The following SPATA17 variants were observed in gnomAD, a reference collection of about 807,000 sequenced individuals.
The protein encoded by SPATA17 is spermatogenesis-associated protein 17.
A neutral mutation model predicts 62.2 loss-of-function variants in SPATA17; 53 were observed. That is an observed-to-expected ratio of 0.85 (90% CI 0.68 to 1.07). The LOEUF is 1.07. SPATA17 is among the 50% of genes least tolerant of loss of function. The pLI, the probability that SPATA17 is intolerant of heterozygous loss-of-function variation, is 0.00. For synonymous variants in SPATA17, 146 were observed against 146.8 expected (o/e 0.99, Z 0.04); for missense variants, 466 against 425.5 (o/e 1.10, Z -0.84).
At chr1:217,702,464 AT>A (rs1199547841) in intron 5 of SPATA17, among the ~76,000 whole-genome samples, 3 of 152,140 alleles carry the variant, frequency 2.0e-5, no homozygotes, top group African/African-American at 7.2e-5. Flanking sequence ...CATACTGTAT[AT>A]TTACCTTCTT....
At chr1:217,840,945 TTATA>T (rs1346594504) in intron 9 of SPATA17, among the ~76,000 whole-genome samples, 1 of 152,018 alleles carries the variant, frequency 6.6e-6, no homozygotes, top group African/African-American at 2.4e-5. Context: ...GGATATATAC[TTATA>T]TAATGATATG....
intron 1 of SPATA17, among the ~76,000 whole-genome samples, chr1:217,643,612 C>T (rs1001689470): frequency 6.6e-6 from 1 of 151,994 alleles, no homozygotes; most frequent in African/African-American, 2.4e-5. Flanking sequence ...GCACAGTGCC[C>T]TACTTTTCCT....
intron 5 of SPATA17, among the ~76,000 whole-genome samples, chr1:217,714,271 C>G (rs1394653604): frequency 1.3e-5 from 2 of 151,770 alleles, no homozygotes; most frequent in African/African-American, 4.8e-5. Flanking sequence ...CGCGTGTAAT[C>G]CCAGCTACTC....
chr1:217,774,008 T>C (rs1308352529), intron 6 of SPATA17, among the ~76,000 whole-genome samples: 1 of 152,196 alleles, frequency 6.6e-6, no homozygotes, highest in Non-Finnish European at 1.5e-5. Context: ...GAATACAAAA[T>C]GAATGGCTTA....
At chr1:217,677,350 A>G (rs748511196) in intron 4 of SPATA17, among the ~76,000 whole-genome samples, 23 of 148,768 alleles carry the variant, frequency 1.5e-4, no homozygotes, top group Non-Finnish European at 2.4e-4. Context: ...TATGTGTCAG[A>G]TATATAAAGA....
chr1:217,740,630 A>G (rs1180986128), intron 5 of SPATA17, among the ~76,000 whole-genome samples: 5 of 152,190 alleles, frequency 3.3e-5, no homozygotes, highest in Non-Finnish European at 7.3e-5. Flanking sequence ...TTACCAGGTT[A>G]CTTAGCGATT....
At chr1:217,811,394 A>C (rs545672503) in intron 9 of SPATA17, among the ~76,000 whole-genome samples, 156 of 152,266 alleles carry the variant, frequency 1.0e-3, no homozygotes, top group Non-Finnish European at 1.9e-3. Flanking sequence ...ACCATGTAGA[A>C]AATTATTCAA....
chr1:217,730,225 T>TG (rs1234254502), intron 5 of SPATA17, among the ~76,000 whole-genome samples: 2 of 151,938 alleles, frequency 1.3e-5, no homozygotes, highest in South Asian at 2.1e-4. Context: ...AGTGATTTTT[T>TG]TTTTTTTTTT....
intron 8 of SPATA17, among the ~76,000 whole-genome samples, chr1:217,796,683 A>G (rs1351947541): frequency 2.0e-5 from 3 of 152,206 alleles, no homozygotes. Context: ...CTCAACCATA[A>G]AGGAAGTCTG....
chr1:217,671,634 T>C (rs940933569), intron 4 of SPATA17, among the ~76,000 whole-genome samples: 2 of 152,070 alleles, frequency 1.3e-5, no homozygotes, highest in African/African-American at 4.8e-5. Context: ...GCCTCTCCTG[T>C]CCTCTCCTAT....
At chr1:217,819,363 A>T (rs763935252) in intron 9 of SPATA17, among the ~76,000 whole-genome samples, 1 of 151,578 alleles carries the variant, frequency 6.6e-6, no homozygotes, top group East Asian at 1.9e-4. Context: ...TTCCTGCAGG[A>T]TCCTTTTTTT....
At chr1:217,670,082 A>C (rs2102897426) in intron 4 of SPATA17, among the ~76,000 whole-genome samples, 1 of 152,288 alleles carries the variant, frequency 6.6e-6, no homozygotes, top group Non-Finnish European at 1.5e-5. Context: ...CTTTCTCAGT[A>C]ATATTCATAT....
At chr1:217,728,208 A>G (rs758089457) in intron 5 of SPATA17, among the ~76,000 whole-genome samples, 11 of 152,174 alleles carry the variant, frequency 7.2e-5, no homozygotes, top group Non-Finnish European at 1.2e-4. Context: ...ATTCTGATAA[A>G]ACAATAGGAA....
chr1:217,782,214 A>G lies in SPATA17; in HGVS notation c.764A>G (p.Tyr255Cys), dbSNP rs764021607. The G allele has an allele frequency of 6.2e-7, 1 of 1,612,716 alleles. No homozygotes were observed. The highest frequency in any genetic ancestry group is 1.1e-5 in the South Asian group (1 of 90,970). The change falls in exon 8 of 11, where the codon TAC (tyrosine) becomes TGC (cysteine). Residue 255 changes from tyrosine to cysteine, a missense_variant. Tyr to Cys is a radical substitution (Grantham distance 194). Transcript: ENST00000366933. ...ATCACCGAAGTATTAGAACAACGCT[A>G]CAGGCCTTTGGAGCCAACGTTGCGG... ...RDITEVLEQR[Y>C]RPLEPTLRVA... is the part of the protein sequence containing the mutation.
intron 9 of SPATA17, among the ~76,000 whole-genome samples, chr1:217,855,480 T>C (rs774334354): frequency 1.1e-4 from 17 of 152,214 alleles, no homozygotes; most frequent in Non-Finnish European, 2.1e-4. Flanking sequence ...CAAATTTTCA[T>C]GTACATCTGC....
At chr1:217,775,742 T>G (rs556037770) in intron 7 of SPATA17, among the ~76,000 whole-genome samples, 1 of 152,200 alleles carries the variant, frequency 6.6e-6, no homozygotes, top group African/African-American at 2.4e-5. Context: ...TATATATATA[T>G]AGATTATTGT....
chr1:217,812,685 T>A (rs1177335858), intron 9 of SPATA17, among the ~76,000 whole-genome samples: 1 of 152,226 alleles, frequency 6.6e-6, no homozygotes. Flanking sequence ...TCAGTCATTA[T>A]TAATTTAATC....
chr1:217,641,278 A>C (rs1341187543), intron 1 of SPATA17, among the ~76,000 whole-genome samples: 4 of 152,130 alleles, frequency 2.6e-5, no homozygotes, highest in African/African-American at 9.7e-5. Context: ...CAATTACCCC[A>C]GCTTTCTTTT....
intron 9 of SPATA17, 62 bp downstream of exon 9, chr1:217,801,912 T>C (rs1674323769): frequency 4.9e-6 from 7 of 1,424,608 alleles, no homozygotes; most frequent in Non-Finnish European, 6.7e-6. Flanking sequence ...ATACATTAAT[T>C]AGAGCAAATA....
Sources: gnomAD v4.1 joint callset for allele counts (sites outside exome capture counted in the v4.1 genomes callset) on GRCh38, gnomAD v4.1.1 for gene constraint, MANE v1.5 for transcripts, NCBI Gene and HGNC (gene_info 2026-07-23, HGNC 2026-07-21) for gene names.